Variants in RORA observed in about 807,000 individuals in gnomAD.
The protein encoded by RORA is nuclear receptor ROR-alpha.
A neutral mutation model predicts 69.5 loss-of-function variants in RORA; 7 were observed. The observed-to-expected ratio is 0.10, with a 90% CI of 0.06 to 0.19. The LOEUF (loss-of-function observed/expected upper bound fraction) is 0.19. Ranked by LOEUF, RORA falls within the 10% of genes least tolerant of loss-of-function variation. The probability of loss-of-function intolerance (pLI) is 1.00; values close to 1 mark genes in which losing one functional copy is unlikely to be tolerated. For missense variants in RORA, 457 were observed against 663.0 expected (o/e 0.69, Z 3.41); for synonymous variants, 261 against 240.8 (o/e 1.08, Z -0.78).
chr15:61,122,552 C>T (rs1049976568), intron 1 of RORA, among the ~76,000 whole-genome samples: 2 of 152,054 alleles, frequency 1.3e-5, no homozygotes, highest in Non-Finnish European at 2.9e-5. Flanking sequence ...GGCTGTATAA[C>T]GTTTAAAGCC....
chr15:61,212,422 C>T (rs937266435), intron 1 of RORA, among the ~76,000 whole-genome samples: 9 of 152,116 alleles, frequency 5.9e-5, no homozygotes, highest in Non-Finnish European at 1.2e-4. Context: ...TTTTTTGGGA[C>T]GGAGTCTCAC....
At chr15:61,035,704 C>T (rs185748629) in intron 1 of RORA, among the ~76,000 whole-genome samples, 54 of 152,178 alleles carry the variant, frequency 3.5e-4, no homozygotes, top group Admixed American at 3.1e-3. Flanking sequence ...AATGGTCATG[C>T]TACATACAAA....
intron 1 of RORA, among the ~76,000 whole-genome samples, chr15:60,842,238 G>A (rs1198480474): frequency 6.6e-6 from 1 of 151,906 alleles, no homozygotes; most frequent in Non-Finnish European, 1.5e-5. Context: ...CCAAACTGAT[G>A]ACAGGTGAAG....
chr15:60,707,381 TG>T, intron 1 of RORA, among the ~76,000 whole-genome samples: 1 of 149,174 alleles, frequency 6.7e-6, no homozygotes, highest in South Asian at 2.1e-4. Flanking sequence ...TTTATTTATT[TG>T]AGATGGAGTC....
At chr15:60,644,540 C>T (rs748512483) in intron 2 of RORA, among the ~76,000 whole-genome samples, 6 of 152,214 alleles carry the variant, frequency 3.9e-5, no homozygotes, top group Admixed American at 1.3e-4. Flanking sequence ...ATTTTTAAAA[C>T]GGCAAAGTAT....
At chr15:60,539,836 G>T (rs967627788) in intron 2 of RORA, among the ~76,000 whole-genome samples, 3 of 152,038 alleles carry the variant, frequency 2.0e-5, no homozygotes, top group African/African-American at 7.3e-5. Context: ...AAGGTAATTG[G>T]CTATTTAACC....
At chr15:61,094,467 G>GCCCT (rs1307800812) in intron 1 of RORA, among the ~76,000 whole-genome samples, 2 of 152,174 alleles carry the variant, frequency 1.3e-5, no homozygotes, top group African/African-American at 4.8e-5. Context: ...ACAGAGCTCA[G>GCCCT]CCCTGCTCCA....
At chr15:60,722,008 T>G (rs1414296083) in intron 1 of RORA, among the ~76,000 whole-genome samples, 4 of 152,242 alleles carry the variant, frequency 2.6e-5, no homozygotes, top group Non-Finnish European at 5.9e-5. Flanking sequence ...GCAAATCATT[T>G]TGTCACAGAT....
At chr15:60,951,436 A>G (rs2140334267) in intron 1 of RORA, among the ~76,000 whole-genome samples, 2 of 150,716 alleles carry the variant, frequency 1.3e-5, no homozygotes, top group South Asian at 4.2e-4. Flanking sequence ...AAATAACTAA[A>G]ATCAGAGCAG....
intron 1 of RORA, among the ~76,000 whole-genome samples, chr15:60,717,714 C>G (rs944848593): frequency 1.7e-4 from 26 of 151,836 alleles, no homozygotes; most frequent in African/African-American, 5.6e-4. Context: ...AACCAGCTCC[C>G]AGATTAGCTA....
At chr15:60,591,565 G>C (rs2068512779) in intron 2 of RORA, among the ~76,000 whole-genome samples, 1 of 152,068 alleles carries the variant, frequency 6.6e-6, no homozygotes, top group Admixed American at 6.5e-5. Context: ...GGAAGGCCGG[G>C]CCGCCCGGCA....
intron 7 of RORA, among the ~76,000 whole-genome samples, chr15:60,503,174 A>G (rs1394231764): frequency 6.6e-6 from 1 of 152,216 alleles, no homozygotes; most frequent in Non-Finnish European, 1.5e-5. Flanking sequence ...GCATTTATTC[A>G]TATGTACTAA....
At chr15:60,857,764 T>C (rs186001837) in intron 1 of RORA, among the ~76,000 whole-genome samples, 1 of 152,240 alleles carries the variant, frequency 6.6e-6, no homozygotes, top group African/African-American at 2.4e-5. Flanking sequence ...AGCAAAATGA[T>C]TAGTACCGAA....
At chr15:61,051,146 T>C (rs1490325820) in intron 1 of RORA, among the ~76,000 whole-genome samples, 1 of 152,146 alleles carries the variant, frequency 6.6e-6, no homozygotes, top group African/African-American at 2.4e-5. Context: ...GAAGGCTGCA[T>C]CTGAGCAGGG....
At chr15:60,578,245 C>T (rs545903202) in intron 2 of RORA, among the ~76,000 whole-genome samples, 2 of 152,266 alleles carry the variant, frequency 1.3e-5, no homozygotes, top group South Asian at 2.1e-4. Context: ...TACTGGTTCA[C>T]TGGGTTTTGT....
At chr15:61,122,086 T>C (rs1240318774) in intron 1 of RORA, among the ~76,000 whole-genome samples, 2 of 152,230 alleles carry the variant, frequency 1.3e-5, no homozygotes, top group African/African-American at 4.8e-5. Context: ...CTGGATCACC[T>C]CTCTGCTCTT....
intron 2 of RORA, among the ~76,000 whole-genome samples, chr15:60,561,024 A>G (rs2067524891): frequency 6.6e-6 from 1 of 151,076 alleles, no homozygotes; most frequent in Non-Finnish European, 1.5e-5. Flanking sequence ...TTAAAATGTA[A>G]GTGTTTTTAT....
intron 2 of RORA, among the ~76,000 whole-genome samples, chr15:60,578,924 CAG>C (rs1367789791): frequency 2.6e-5 from 4 of 151,938 alleles, no homozygotes; most frequent in Non-Finnish European, 5.9e-5. Context: ...CCACCATGCC[CAG>C]CTAATTTTTT....
At chr15:60,874,998 T>G (rs1008153103) in intron 1 of RORA, among the ~76,000 whole-genome samples, 1 of 152,120 alleles carries the variant, frequency 6.6e-6, no homozygotes, top group African/African-American at 2.4e-5. Context: ...TTCTAGCTAT[T>G]CATCAGAACA....
Sources: gnomAD v4.1 joint callset for allele counts (sites outside exome capture counted in the v4.1 genomes callset) on GRCh38, gnomAD v4.1.1 for gene constraint, MANE v1.5 for transcripts, NCBI Gene and HGNC (gene_info 2026-07-23, HGNC 2026-07-21) for gene names.